The following CSMD3 variants were observed in gnomAD, a reference collection of about 807,000 sequenced individuals.
The protein encoded by CSMD3 is CUB and sushi domain-containing protein 3.
In CSMD3, 177 loss-of-function variants were observed where a neutral mutation model predicts 435.2. The observed-to-expected ratio is 0.41, with a 90% CI of 0.36 to 0.46. CSMD3 has a LOEUF of 0.46. CSMD3 is among the 20% of genes least tolerant of loss of function. The pLI is 0.34. For synonymous variants in CSMD3, 1,656 were observed against 1,520.5 expected (o/e 1.09, Z -2.07); for missense variants, 4,265 against 4,504.6 (o/e 0.95, Z 1.52).
chr8:112,258,912 G>C (rs963222271), intron 61 of CSMD3, among the ~76,000 whole-genome samples: 1 of 152,032 alleles, frequency 6.6e-6, no homozygotes, highest in African/African-American at 2.4e-5. Flanking sequence ...GGTGGCGGGT[G>C]CCTGTAGTCC....
chr8:112,914,582 C>G (rs536086379), intron 10 of CSMD3, among the ~76,000 whole-genome samples: 1 of 151,246 alleles, frequency 6.6e-6, no homozygotes, highest in Non-Finnish European at 1.5e-5. Flanking sequence ...AGATTCATAT[C>G]AAGCAGAAGA....
Position 112,393,791 on chromosome 8 carries a change from A to G in CSMD3, c.5810-3003T>C, listed in dbSNP as rs148599631. Among the ~76,000 whole-genome samples the G allele has an allele frequency of 8.0e-3, 1,220 of 152,138 alleles. 23 individuals are homozygous for G. The highest frequency in any genetic ancestry group is 0.027 in the African/African-American group (1,134 of 41,520). ...CTCAATCTATGAATAATTAGCTCTC[A>G]CTGTTGATCACTCCATCTGTCTTGA... On this transcript the variant is annotated intron_variant, in intron 35 of 70. Transcript: ENST00000297405.
chr8:113,415,804 T>C (rs1367523580), intron 1 of CSMD3, among the ~76,000 whole-genome samples: 3 of 152,140 alleles, frequency 2.0e-5, no homozygotes, highest in African/African-American at 4.8e-5. Flanking sequence ...ATTTTCTCCA[T>C]AATTTTAACA....
intron 1 of CSMD3, among the ~76,000 whole-genome samples, chr8:113,409,663 G>A (rs1051996653): frequency 2.0e-4 from 31 of 152,156 alleles, no homozygotes; most frequent in African/African-American, 7.5e-4. Flanking sequence ...TTCGGTTGAA[G>A]TTCTTTTATC....
Position 112,707,802 on chromosome 8 carries a change from CTT to C in CSMD3, c.1973-17754_1973-17753del, listed in dbSNP as rs1382329667. ...TCTTACTATTATCCGCATTTTAACT[CTT>C]ATAAATTCTAGAAAGAACTCTATAA... On this transcript the variant is annotated intron_variant, in intron 13 of 70. Coordinates refer to ENST00000297405, the MANE Select transcript of CSMD3 (RefSeq NM_198123.2). 2.0e-5 allele frequency among the ~76,000 whole-genome samples: 3 copies of C among 151,930 alleles called. 1 individual carries two copies. The highest frequency in any genetic ancestry group is 4.8e-5 in the African/African-American group (2 of 41,404).
intron 5 of CSMD3, among the ~76,000 whole-genome samples, chr8:113,057,346 T>C (rs899453477): frequency 3.3e-5 from 5 of 152,216 alleles, no homozygotes; most frequent in African/African-American, 1.2e-4. Context: ...ATACAGAGTC[T>C]AATTTAGAAA....
At chr8:113,416,668 C>T (rs1268238184) in intron 1 of CSMD3, among the ~76,000 whole-genome samples, 2 of 152,008 alleles carry the variant, frequency 1.3e-5, no homozygotes, top group African/African-American at 4.8e-5. Flanking sequence ...TGCGTCCTTC[C>T]CACTTAACCA....
chr8:112,757,064 T>C (rs1219682615), intron 13 of CSMD3, among the ~76,000 whole-genome samples: 2 of 152,148 alleles, frequency 1.3e-5, no homozygotes, highest in African/African-American at 4.8e-5. Flanking sequence ...CTACTGTGCC[T>C]GGCCCTCCCT....
intron 13 of CSMD3, among the ~76,000 whole-genome samples, chr8:112,785,442 T>A (rs553237771): frequency 6.6e-6 from 1 of 152,120 alleles, no homozygotes; most frequent in East Asian, 1.9e-4. Flanking sequence ...ATAAAGGGCA[T>A]CCAAGTTGGA....
At chr8:113,353,156 G>C (rs999062619) in intron 1 of CSMD3, among the ~76,000 whole-genome samples, 1 of 152,134 alleles carries the variant, frequency 6.6e-6, no homozygotes, top group Non-Finnish European at 1.5e-5. Flanking sequence ...TGGATGTGAA[G>C]AGGAAAGGAA....
chr8:112,838,630 C>A (rs974524831), intron 11 of CSMD3, among the ~76,000 whole-genome samples: 2 of 151,628 alleles, frequency 1.3e-5, no homozygotes, highest in Non-Finnish European at 3.0e-5. Context: ...TATGCCTTGG[C>A]AGGACTGTCT....
At chr8:112,437,759 A>C (rs1814533677) in intron 32 of CSMD3, among the ~76,000 whole-genome samples, 1 of 152,142 alleles carries the variant, frequency 6.6e-6, no homozygotes, top group Non-Finnish European at 1.5e-5. Flanking sequence ...TTCTTACAAA[A>C]ATGTCACAAG....
At chr8:113,019,986 AC>A (rs1317606300) in intron 5 of CSMD3, among the ~76,000 whole-genome samples, 1 of 149,726 alleles carries the variant, frequency 6.7e-6, no homozygotes, top group Non-Finnish European at 1.5e-5. Context: ...ACAAGGTGAA[AC>A]CCCGTCTCTA....
At chr8:113,099,700 C>T (rs1365844949) in intron 4 of CSMD3, among the ~76,000 whole-genome samples, 1 of 152,016 alleles carries the variant, frequency 6.6e-6, no homozygotes, top group African/African-American at 2.4e-5. Context: ...CATAGATTCT[C>T]CACTAGTCTA....
chr8:112,294,538 G>A (rs1820075403), intron 54 of CSMD3, among the ~76,000 whole-genome samples: 2 of 151,870 alleles, frequency 1.3e-5, no homozygotes, highest in South Asian at 4.1e-4. Context: ...ATACTTACGG[G>A]GATTCTGAGA....
In CSMD3 at chr8:112,265,476, T is replaced by A. The variant is rs61759499; in HGVS notation, c.9623A>T (p.Asn3208Ile). Reference sequence around the variant, plus strand: ...TGTACAAGTCCTGATTCTGGAGCCATTCAATTCCATCGTGTAGCCTGGCTG... The same window carrying A: ...TGTACAAGTCCTGATTCTGGAGCCAATCAATTCCATCGTGTAGCCTGGCTG... ...MCQPGYTMEL[N>I]GSRIRTCTIN... The change falls in exon 60 of 71, where the codon AAT (asparagine) becomes ATT (isoleucine). Residue 3208 changes from asparagine (N) to isoleucine (I), a missense_variant. Coordinates refer to ENST00000297405, the MANE Select transcript of CSMD3 (RefSeq NM_198123.2). The A allele has an allele frequency of 4.4e-3, 7,146 of 1,613,720 alleles. 36 individuals carry two copies. The highest frequency in any genetic ancestry group is 0.025 in the Middle Eastern group (150 of 6,058).
chr8:113,246,124 G>C (rs890279879), intron 3 of CSMD3, among the ~76,000 whole-genome samples: 7 of 151,798 alleles, frequency 4.6e-5, no homozygotes, highest in Non-Finnish European at 1.0e-4. Flanking sequence ...ATTCTTAATA[G>C]AATTCAGAAA....
intron 54 of CSMD3, 24 bp from the exon 55 acceptor site, chr8:112,292,734 AG>A (rs1165768909): frequency 1.2e-6 from 2 of 1,607,286 alleles, no homozygotes; most frequent in Admixed American, 3.3e-5. Flanking sequence ...GCAGGAGGAC[AG>A]GGAAGGAAAC....
intron 31 of CSMD3, among the ~76,000 whole-genome samples, chr8:112,484,493 CCA>C (rs35198612): frequency 0.028 from 4,085 of 147,010 alleles, 85 homozygotes; most frequent in Non-Finnish European, 0.04. Context: ...TTCAACACAC[CCA>C]CACACACACA....
Sources: allele counts gnomAD v4.1 joint callset (sites outside exome capture counted in the v4.1 genomes callset), GRCh38; gene constraint gnomAD v4.1.1; transcripts MANE v1.5; gene names NCBI Gene and HGNC (gene_info 2026-07-23, HGNC 2026-07-21).